Variants in KLF8 observed in about 807,000 individuals in gnomAD.
The protein encoded by KLF8 is Krueppel-like factor 8.
In KLF8, 10 loss-of-function variants were observed where a neutral mutation model predicts 18.2. The ratio of observed to expected loss-of-function variants is 0.55; its 90% CI spans 0.34 to 0.93. The LOEUF (loss-of-function observed/expected upper bound fraction) is 0.93. KLF8 is among the 40% of genes least tolerant of loss of function. KLF8 has a pLI of 0.02. For missense variants in KLF8, 264 were observed against 277.9 expected, an observed-to-expected ratio of 0.95 and a Z score of 0.36; for synonymous variants, 109 against 97.3, an observed-to-expected ratio of 1.12 and a Z score of -0.71.
chrX:56,190,621 A>G, the KLF8 span, among the ~76,000 whole-genome samples: 1 of 111,823 alleles, frequency 8.9e-6, no homozygotes, highest in African/African-American at 3.2e-5. Context: ...AAATAATATC[A>G]AGCATCTTCT....
At chrX:56,135,615 G>A in the KLF8 span, among the ~76,000 whole-genome samples, 1 of 109,953 alleles carries the variant, frequency 9.1e-6, no homozygotes, top group Non-Finnish European at 1.9e-5. Flanking sequence ...ACGAGTTAAT[G>A]GGTGCAGCAC....
At chrX:55,910,154 G>A in the KLF8 span, among the ~76,000 whole-genome samples, 3 of 111,965 alleles carry the variant, frequency 2.7e-5, no homozygotes, top group Non-Finnish European at 5.6e-5. Context: ...CAGCGGTCCA[G>A]GGTAGGGAAC....
the KLF8 span, among the ~76,000 whole-genome samples, chrX:56,134,587 A>G: frequency 1.8e-5 from 2 of 111,842 alleles, no homozygotes; most frequent in Non-Finnish European, 3.8e-5. Flanking sequence ...ACCATTCTAG[A>G]TATTGGCTTG....
At chrX:55,934,529 A>G in the KLF8 span, among the ~76,000 whole-genome samples, 3 of 112,288 alleles carry the variant, frequency 2.7e-5, no homozygotes, top group African/African-American at 9.7e-5. Flanking sequence ...CAGACTTTGA[A>G]TCAGTGAAAG....
chrX:56,288,179 C>T lies in KLF8; in HGVS notation c.*3685C>T, dbSNP rs2067288317. On this transcript the variant is annotated 3_prime_UTR_variant, in exon 6 of 6. Coordinates refer to ENST00000468660, the MANE Select transcript of KLF8 (RefSeq NM_007250.5). The stretch of plus-strand genomic sequence containing the variant: ...GCTTGAACCTGGGAGGCGGAGGTTG[C>T]AGTGAGCTGAGATCATGCCACTTCA... Among the ~76,000 whole-genome samples, 1 of 110,283 alleles carries T rather than the reference C, an allele frequency of 9.1e-6. No homozygotes were observed. The highest frequency in any genetic ancestry group is 1.9e-5 in the Non-Finnish European group (1 of 52,850).
chrX:56,214,628 A>G, the KLF8 span, among the ~76,000 whole-genome samples: 1 of 112,552 alleles, frequency 8.9e-6, no homozygotes, highest in African/African-American at 3.2e-5. Flanking sequence ...GATGATGCGA[A>G]TAAATATAAG....
At chrX:56,216,500 A>G in the KLF8 span, among the ~76,000 whole-genome samples, 1 of 104,166 alleles carries the variant, frequency 9.6e-6, no homozygotes, top group South Asian at 4.4e-4. Context: ...GCATACCACC[A>G]TATCTGGCTG....
chrX:56,029,772 G>A, the KLF8 span, among the ~76,000 whole-genome samples: 4 of 111,766 alleles, frequency 3.6e-5, no homozygotes, highest in Non-Finnish European at 5.6e-5. Context: ...AGACGTGAGC[G>A]ATTGGACTGG....
the KLF8 span, among the ~76,000 whole-genome samples, chrX:56,126,752 C>CTTT: frequency 1.4e-4 from 10 of 72,593 alleles, no homozygotes; most frequent in Non-Finnish European, 1.7e-4. Context: ...TTCTTTCTTT[C>CTTT]TTTTTTTTTT....
chrX:56,250,336 T>G (rs753400807), intron 2 of KLF8, 32 bp downstream of exon 2: 62 of 1,010,742 alleles, frequency 6.1e-5, no homozygotes, highest in Non-Finnish European at 8.4e-5. Context: ...GTGCTAATAT[T>G]GGGCCATAAT....
chrX:56,200,069 C>T, the KLF8 span, among the ~76,000 whole-genome samples: 7 of 110,949 alleles, frequency 6.3e-5, no homozygotes, highest in South Asian at 2.3e-3. Context: ...ACATCACACA[C>T]CAGGGCCTTT....
chrX:56,178,343 CT>C, the KLF8 span, among the ~76,000 whole-genome samples: 1 of 111,955 alleles, frequency 8.9e-6, no homozygotes, highest in Non-Finnish European at 1.9e-5. Context: ...TTGATTTTTT[CT>C]TGTAAGTTTG....
the KLF8 span, among the ~76,000 whole-genome samples, chrX:56,145,665 C>T: frequency 2.7e-5 from 3 of 111,807 alleles, no homozygotes; most frequent in Non-Finnish European, 5.6e-5. Flanking sequence ...CATGAATGAA[C>T]CTTAAAAACA....
chrX:56,170,205 C>A, the KLF8 span, among the ~76,000 whole-genome samples: 1 of 110,087 alleles, frequency 9.1e-6, no homozygotes, highest in African/African-American at 3.3e-5. Flanking sequence ...GGAAAGCTTT[C>A]CCAAGCAGGA....
chrX:56,154,702 T>C, the KLF8 span, among the ~76,000 whole-genome samples: 28 of 112,010 alleles, frequency 2.5e-4, no homozygotes, highest in Admixed American at 2.5e-3. Flanking sequence ...TGCGATGTTC[T>C]CATCTGACAA....
chrX:56,038,554 C>T, the KLF8 span, among the ~76,000 whole-genome samples: 2 of 112,490 alleles, frequency 1.8e-5, no homozygotes, highest in Non-Finnish European at 3.8e-5. Flanking sequence ...ATCTCATTAC[C>T]TTTTATGGCT....
chrX:56,022,393 A>C, the KLF8 span, among the ~76,000 whole-genome samples: 1 of 107,812 alleles, frequency 9.3e-6, no homozygotes, highest in Admixed American at 9.9e-5. Context: ...AAAATTACAA[A>C]AAATTAGCTG....
intron 3 of KLF8, chrX:56,267,080 G>A (rs773039498): frequency 3.6e-5 from 27 of 752,562 alleles, no homozygotes; most frequent in Non-Finnish European, 4.2e-5. Context: ...CTGAGATAAA[G>A]GCAGTGGTAA....
At chrX:56,116,634 G>GAGATATATATAT in the KLF8 span, among the ~76,000 whole-genome samples, 3 of 78,191 alleles carry the variant, frequency 3.8e-5, no homozygotes, top group African/African-American at 1.5e-4. Flanking sequence ...ATGATGTTCT[G>GAGATATATATAT]ATATATATAT....
Sources: gnomAD v4.1 joint callset for allele counts (sites outside exome capture counted in the v4.1 genomes callset) on GRCh38, gnomAD v4.1.1 for gene constraint, MANE v1.5 for transcripts, NCBI Gene and HGNC (gene_info 2026-07-23, HGNC 2026-07-21) for gene names.